Variants in SAMD5 observed in about 807,000 individuals in gnomAD.
The protein encoded by SAMD5 is sterile alpha motif domain containing 5, also known as sterile alpha motif domain-containing protein 5.
In SAMD5, 13 loss-of-function variants were observed where a neutral mutation model predicts 11.3. That is an observed-to-expected ratio of 1.15 (90% CI 0.75 to 1.83). The LOEUF is 1.83. Ranked by LOEUF, SAMD5 falls within the 40% of genes most tolerant of loss-of-function variation. The probability of loss-of-function intolerance (pLI) is 0.00; values close to 1 mark genes in which losing one functional copy is unlikely to be tolerated. For synonymous variants in SAMD5, 129 were observed against 111.3 expected, an observed-to-expected ratio of 1.16 and a Z score of -1.00; for missense variants, 255 against 239.1, an observed-to-expected ratio of 1.07 and a Z score of -0.44.
intron 1 of SAMD5, among the ~76,000 whole-genome samples, chr6:147,693,257 G>C (rs751634883): frequency 4.6e-5 from 7 of 152,186 alleles, no homozygotes; most frequent in Non-Finnish European, 8.8e-5. Context: ...AGTCCTTTCA[G>C]TGTGTGTGCC....
At chr6:147,666,194 C>T (rs146849330) in intron 1 of SAMD5, among the ~76,000 whole-genome samples, 188 of 152,342 alleles carry the variant, frequency 1.2e-3, no homozygotes, top group African/African-American at 3.9e-3. Context: ...GCCTCAGTCT[C>T]CCGAAGTGCT....
chr6:147,630,896 G>A (rs765189893), intron 1 of SAMD5, among the ~76,000 whole-genome samples: 13 of 152,242 alleles, frequency 8.5e-5, no homozygotes, highest in Middle Eastern at 3.4e-3. Flanking sequence ...TGATGGACTC[G>A]GGAAGACAGT....
At chr6:147,788,838 CT>C in the SAMD5 span, among the ~76,000 whole-genome samples, 1 of 152,146 alleles carries the variant, frequency 6.6e-6, no homozygotes, top group Non-Finnish European at 1.5e-5. Flanking sequence ...AATCCCAGCA[CT>C]TTGGGAGGCC....
the SAMD5 span, among the ~76,000 whole-genome samples, chr6:147,807,620 C>T: frequency 6.6e-6 from 1 of 152,152 alleles, no homozygotes; most frequent in Non-Finnish European, 1.5e-5. Context: ...TAGTTTGCCC[C>T]ACCCTCATAC....
chr6:147,612,739 C>T (rs1789804886), intron 1 of SAMD5, among the ~76,000 whole-genome samples: 1 of 152,204 alleles, frequency 6.6e-6, no homozygotes, highest in Non-Finnish European at 1.5e-5. Flanking sequence ...ATCACTGGTT[C>T]TCCCTGGATC....
chr6:147,509,283 A>C lies in SAMD5; in HGVS notation c.355A>C (p.Ser119Arg), dbSNP rs763103830. The C allele has an allele frequency of 1.9e-6, 3 of 1,563,060 alleles. No homozygotes were observed. Among genetic ancestry groups the C allele is most frequent in the South Asian group, 1.2e-5 (1 of 85,196 alleles). The change falls in exon 1 of 2, where the codon AGC becomes CGC. Residue 119 changes from serine to arginine, a missense_variant. By Grantham distance (110) the Ser-to-Arg change is moderately radical. Coordinates refer to ENST00000367474, the MANE Select transcript of SAMD5 (RefSeq NM_001030060.3). ...TCGCGGCCACACGACCGCCCCCCGC[A>C]GCAGGGAGCTGGTGAGCTACCCCAA... is the stretch of plus-strand genomic sequence containing the variant. The part of the protein sequence containing the change: ...DSRGHTTAPR[S>R]RELVSYPKLK...
At chr6:147,923,974 C>G in the SAMD5 span, among the ~76,000 whole-genome samples, 1 of 152,206 alleles carries the variant, frequency 6.6e-6, no homozygotes, top group African/African-American at 2.4e-5. Flanking sequence ...GGTTAAGGAA[C>G]TGGCTAGGTA....
intron 1 of SAMD5, among the ~76,000 whole-genome samples, chr6:147,600,730 A>G (rs1281663022): frequency 1.3e-5 from 2 of 152,220 alleles, no homozygotes; most frequent in Non-Finnish European, 2.9e-5. Context: ...ACTTGATCAC[A>G]GGGTCTCTAT....
the SAMD5 span, among the ~76,000 whole-genome samples, chr6:147,781,155 A>T: frequency 7.0e-6 from 1 of 143,672 alleles, no homozygotes. Context: ...TTGGTTTTGG[A>T]TTTGTTTTTT....
At chr6:147,938,450 G>A in the SAMD5 span, among the ~76,000 whole-genome samples, 1 of 152,142 alleles carries the variant, frequency 6.6e-6, no homozygotes, top group Non-Finnish European at 1.5e-5. Flanking sequence ...CTACACTCAT[G>A]GAGTTTATAG....
the SAMD5 span, among the ~76,000 whole-genome samples, chr6:147,910,223 G>A: frequency 6.6e-6 from 1 of 152,022 alleles, no homozygotes; most frequent in Non-Finnish European, 1.5e-5. Flanking sequence ...CAAAGCGAAT[G>A]GTACCCTGGG....
At position 147,565,227 on chromosome 6, in the gene SAMD5, G is replaced by A; in HGVS notation, c.*771G>A. 2 of 985,864 alleles carry A rather than the reference G, an allele frequency of 2.0e-6. No individual in the cohort carries two copies. Among genetic ancestry groups the A allele is most frequent in the Non-Finnish European group, 2.4e-6 (2 of 829,978 alleles). 61.1% of individuals were successfully genotyped at this position (985,864 alleles called of 1,614,324 possible). On this transcript the variant is annotated 3_prime_UTR_variant, in exon 2 of 2. Coordinates refer to ENST00000367474, the MANE Select transcript of SAMD5 (RefSeq NM_001030060.3). ...TAGTTTCTTGCACTCTGTGGAGACT[G>A]CCAGGGCCGCAGCTCACAGCCTGTT...
At chr6:147,878,497 T>G in the SAMD5 span, among the ~76,000 whole-genome samples, 1 of 151,150 alleles carries the variant, frequency 6.6e-6, no homozygotes, top group Admixed American at 6.6e-5. Context: ...GTATCTAATA[T>G]TAATGACATA....
chr6:147,550,346 G>T (rs2128443003), intron 1 of SAMD5, among the ~76,000 whole-genome samples: 1 of 152,218 alleles, frequency 6.6e-6, no homozygotes, highest in South Asian at 2.1e-4. Flanking sequence ...ACAGTACAGA[G>T]ATTTCTTAAA....
chr6:147,816,974 A>G, the SAMD5 span, among the ~76,000 whole-genome samples: 1 of 152,210 alleles, frequency 6.6e-6, no homozygotes, highest in African/African-American at 2.4e-5. Flanking sequence ...ATACCTTACA[A>G]GTATGATAAA....
intron 1 of SAMD5, among the ~76,000 whole-genome samples, chr6:147,604,672 C>A (rs556677435): frequency 6.6e-6 from 1 of 152,148 alleles, no homozygotes; most frequent in East Asian, 1.9e-4. Flanking sequence ...GATTCTCCAG[C>A]GCATTGACTT....
the SAMD5 span, among the ~76,000 whole-genome samples, chr6:147,843,088 T>C: frequency 6.6e-6 from 1 of 152,220 alleles, no homozygotes; most frequent in Admixed American, 6.5e-5. Context: ...GGTCTTGAAC[T>C]CTTGACCTCA....
chr6:147,824,576 G>C, the SAMD5 span, among the ~76,000 whole-genome samples: 1 of 151,952 alleles, frequency 6.6e-6, no homozygotes, highest in African/African-American at 2.4e-5. Context: ...TTAACCACTT[G>C]GTTAAATGGC....
chr6:147,768,881 C>G, the SAMD5 span, among the ~76,000 whole-genome samples: 4 of 152,156 alleles, frequency 2.6e-5, no homozygotes, highest in Non-Finnish European at 5.9e-5. Context: ...GCAACCTCCG[C>G]CTCCCAGGTT....
Sources: allele counts gnomAD v4.1 joint callset (sites outside exome capture counted in the v4.1 genomes callset), GRCh38; gene constraint gnomAD v4.1.1; transcripts MANE v1.5; gene names NCBI Gene and HGNC (gene_info 2026-07-23, HGNC 2026-07-21).